Variants in RNF38 observed in about 807,000 individuals in gnomAD.
RNF38 encodes the protein ring finger protein 38.
In RNF38, 15 loss-of-function variants were observed where a neutral mutation model predicts 67.2. The ratio of observed to expected loss-of-function variants is 0.22; its 90% confidence interval spans 0.15 to 0.34. The LOEUF is 0.34. RNF38 is among the 10% of genes least tolerant of loss of function. The probability of loss-of-function intolerance (pLI) is 1.00; values close to 1 mark genes in which losing one functional copy is unlikely to be tolerated. For synonymous variants in RNF38, 220 were observed against 218.8 expected (o/e 1.01, Z -0.05); for missense variants, 524 against 639.9 (o/e 0.82, Z 1.95).
intron 1 of RNF38, among the ~76,000 whole-genome samples, chr9:36,392,684 G>A (rs138509151): frequency 7.9e-5 from 12 of 152,298 alleles, no homozygotes; most frequent in African/African-American, 2.6e-4. Context: ...AGCTTCACTC[G>A]AGCCCAGTAG....
intron 6 of RNF38, among the ~76,000 whole-genome samples, chr9:36,355,098 G>T (rs1232286221): frequency 6.6e-6 from 1 of 152,240 alleles, no homozygotes; most frequent in Non-Finnish European, 1.5e-5. Context: ...TTGTCTTGCA[G>T]AAGCAATTCT....
chr9:36,459,206 C>CCA, intron 1 of RNF38, among the ~76,000 whole-genome samples: 1 of 87,130 alleles, frequency 1.1e-5, no homozygotes, highest in East Asian at 3.2e-4. Flanking sequence ...GACTCTGTCT[C>CCA]AAAAAAAAAA....
intron 1 of RNF38, among the ~76,000 whole-genome samples, chr9:36,480,700 T>C (rs1348774417): frequency 1.3e-5 from 2 of 151,554 alleles, no homozygotes; most frequent in African/African-American, 4.8e-5. Context: ...TACAGGCAAG[T>C]GCCACCACAC....
At chr9:36,390,639 G>A in intron 1 of RNF38, 23 bp from the exon 2 acceptor site, 1 of 1,613,218 alleles carries the variant, frequency 6.2e-7, no homozygotes, top group Non-Finnish European at 8.5e-7. Flanking sequence ...GGAAGAAAAG[G>A]ATAGTTCATG....
chr9:36,480,484 A>C (rs1840225255), intron 1 of RNF38, among the ~76,000 whole-genome samples: 1 of 151,778 alleles, frequency 6.6e-6, no homozygotes, highest in Non-Finnish European at 1.5e-5. Flanking sequence ...ACATCCCAAA[A>C]GCACTACAAA....
chr9:36,371,151 C>G (rs934140023), intron 3 of RNF38, among the ~76,000 whole-genome samples: 1 of 152,134 alleles, frequency 6.6e-6, no homozygotes, highest in Non-Finnish European at 1.5e-5. Flanking sequence ...GGAAGAACTC[C>G]AAGTGTCATT....
At chr9:36,477,680 G>A (rs145252043) in intron 1 of RNF38, among the ~76,000 whole-genome samples, 124 of 151,808 alleles carry the variant, frequency 8.2e-4, no homozygotes, top group African/African-American at 2.5e-3. Flanking sequence ...AAAATTAGCC[G>A]GGCGTGGTGG....
chr9:36,385,373 A>G (rs1587573716), intron 2 of RNF38, among the ~76,000 whole-genome samples: 1 of 146,072 alleles, frequency 6.8e-6, no homozygotes, highest in Non-Finnish European at 1.5e-5. Flanking sequence ...GGTCTGATCC[A>G]CTACAGCTTT....
chr9:36,461,477 G>GA (rs1839732636), intron 1 of RNF38, among the ~76,000 whole-genome samples: 1 of 152,268 alleles, frequency 6.6e-6, no homozygotes, highest in South Asian at 2.1e-4. Context: ...GAAGAGACAG[G>GA]AAAAACTGTA....
In RNF38 at chr9:36,407,919, T is replaced by C. The variant is rs755859709; in HGVS notation, n.312+16694A>G. Among the ~76,000 whole-genome samples the C allele has an allele frequency of 2.0e-5, 3 of 152,230 alleles. No homozygotes were observed. In the South Asian group the frequency reaches 6.2e-4, roughly 31 times the overall value. ...TTTTTTTTAAATCCTGTATTACATT[T>C]AGGTTGTTCTCAGTGTTTTGCTATT... On this transcript the variant is annotated intron_variant and non_coding_transcript_variant, in intron 2 of 3. Coordinates refer to the RNF38 transcript ENST00000488058.
At chr9:36,460,888 A>AG (rs1448224354) in intron 1 of RNF38, among the ~76,000 whole-genome samples, 36 of 145,110 alleles carry the variant, frequency 2.5e-4, no homozygotes, top group Non-Finnish European at 4.8e-4. Flanking sequence ...ACTCTCTCAA[A>AG]AAAAAAAAAA....
At chr9:36,429,804 A>AAATT (rs1192858474) in intron 1 of RNF38, among the ~76,000 whole-genome samples, 2 of 152,148 alleles carry the variant, frequency 1.3e-5, no homozygotes, top group Non-Finnish European at 2.9e-5. Flanking sequence ...AAGAAAAAAT[A>AAATT]AATTAATTAA....
chr9:36,359,222 C>T (rs1443232213), intron 4 of RNF38, among the ~76,000 whole-genome samples: 1 of 150,476 alleles, frequency 6.6e-6, no homozygotes, highest in African/African-American at 2.4e-5. Flanking sequence ...TTTTCCTAGT[C>T]TATGTTTTAT....
In RNF38 at chr9:36,351,071, T is replaced by A. The variant is rs553909010; in HGVS notation, c.1263+44A>T. 6 of 1,355,392 alleles carry A rather than the reference T, an allele frequency of 4.4e-6. No individual in the cohort carries two copies. In the African/African-American group the frequency reaches 8.6e-5, roughly 19 times the overall value. The allele number at this position is 1,355,392 out of a possible 1,614,324, so 84.0% of individuals were successfully genotyped here. Reference sequence around the variant, plus strand: ...AGAGTTAAGTAGAATAATACTTTCATGCACACAATATTCCCCAAATTAATT... The same window carrying A: ...AGAGTTAAGTAGAATAATACTTTCAAGCACACAATATTCCCCAAATTAATT... On this transcript the variant is annotated intron_variant, in intron 9 of 11. Transcript: ENST00000259605.
At chr9:36,391,498 C>T (rs1302915335) in intron 1 of RNF38, among the ~76,000 whole-genome samples, 1 of 151,800 alleles carries the variant, frequency 6.6e-6, no homozygotes, top group Non-Finnish European at 1.5e-5. Context: ...AAGTTACATA[C>T]TTTAACATGG....
chr9:36,426,966 A>G (rs148566691), intron 1 of RNF38, among the ~76,000 whole-genome samples: 52 of 152,366 alleles, frequency 3.4e-4, no homozygotes, highest in African/African-American at 1.3e-3. Context: ...GCACACAGCA[A>G]TTCAAGAAAT....
chr9:36,455,411 TTAATAG>T (rs1839564124), intron 1 of RNF38, among the ~76,000 whole-genome samples: 1 of 152,176 alleles, frequency 6.6e-6, no homozygotes, highest in Admixed American at 6.5e-5. Context: ...TTTTGTTTCT[TTAATAG>T]TAAGCACAAC....
chr9:36,401,212 G>A, upstream of RNF38: 1 of 982,486 alleles, frequency 1.0e-6, no homozygotes, highest in Non-Finnish European at 1.2e-6. Flanking sequence ...GCGGGGCGGG[G>A]CGGGGCGGGG....
intron 2 of RNF38, among the ~76,000 whole-genome samples, chr9:36,420,875 G>A (rs1040763688): frequency 6.6e-6 from 1 of 152,134 alleles, no homozygotes; most frequent in Non-Finnish European, 1.5e-5. Flanking sequence ...GTAACTCACA[G>A]GATTTAATAA....
Sources: allele counts gnomAD v4.1 joint callset (sites outside exome capture counted in the v4.1 genomes callset), GRCh38; gene constraint gnomAD v4.1.1; transcripts MANE v1.5; gene names NCBI Gene and HGNC (gene_info 2026-07-23, HGNC 2026-07-21).